DLG2: variants seen among roughly 807,000 people sequenced by gnomAD.
DLG2 encodes disks large homolog 2.
Under a neutral mutation model 132.5 loss-of-function variants are expected in DLG2, and 45 were observed. The observed-to-expected ratio is 0.34, with a 90% CI of 0.27 to 0.44. The LOEUF is 0.44. Among genes scored for constraint, DLG2 ranks in the 20% least tolerant of loss-of-function variants. The pLI is 1.00. For missense variants in DLG2, 1,045 were observed against 1,196.9 expected, an observed-to-expected ratio of 0.87 and a Z score of 1.87; for synonymous variants, 424 against 419.6, an observed-to-expected ratio of 1.01 and a Z score of -0.13.
intron 7 of DLG2, among the ~76,000 whole-genome samples, chr11:84,473,911 T>A (rs1045667259): frequency 7.2e-5 from 11 of 152,042 alleles, no homozygotes; most frequent in African/African-American, 2.4e-4. Flanking sequence ...AATCTTTATA[T>A]CTAGGTAAAA....
intron 10 of DLG2, among the ~76,000 whole-genome samples, chr11:84,096,492 T>C (rs17495791): frequency 0.013 from 1,954 of 152,292 alleles, 24 homozygotes; most frequent in Non-Finnish European, 0.022. Context: ...TCATTCTTAA[T>C]TGTAGAGCAA....
At chr11:84,040,464 T>G (rs2096037827) in intron 11 of DLG2, among the ~76,000 whole-genome samples, 1 of 150,910 alleles carries the variant, frequency 6.6e-6, no homozygotes, top group Non-Finnish European at 1.5e-5. Flanking sequence ...CCGGCACCAT[T>G]TATTAAATAG....
intron 9 of DLG2, among the ~76,000 whole-genome samples, chr11:84,113,427 C>T (rs73515726): frequency 0.023 from 3,563 of 152,180 alleles, 142 homozygotes; most frequent in African/African-American, 0.081. Context: ...TATTCAGTTT[C>T]GGGTATTTCA....
intron 21 of DLG2, among the ~76,000 whole-genome samples, chr11:83,518,944 C>T (rs556274111): frequency 6.6e-6 from 1 of 152,270 alleles, no homozygotes; most frequent in South Asian, 2.1e-4. Context: ...CTCCATACAG[C>T]TATCTGCTGA....
intron 18 of DLG2, among the ~76,000 whole-genome samples, chr11:83,712,313 G>A (rs910461470): frequency 1.3e-5 from 2 of 152,038 alleles, no homozygotes; most frequent in South Asian, 2.1e-4. Flanking sequence ...TATACACCAC[G>A]GAATACCATG....
At chr11:84,648,041 T>C (rs775741157) in intron 6 of DLG2, among the ~76,000 whole-genome samples, 7 of 152,136 alleles carry the variant, frequency 4.6e-5, no homozygotes, top group Non-Finnish European at 1.0e-4. Context: ...CCTAGAAACC[T>C]TAGGTAACTT....
chr11:83,680,588 A>G (rs963252718), intron 18 of DLG2, among the ~76,000 whole-genome samples: 6 of 152,310 alleles, frequency 3.9e-5, no homozygotes, highest in African/African-American at 1.2e-4. Flanking sequence ...TTAGAAACCA[A>G]GTCTCAGGTT....
At chr11:84,883,560 A>C (rs919070449) in intron 6 of DLG2, among the ~76,000 whole-genome samples, 1 of 152,132 alleles carries the variant, frequency 6.6e-6, no homozygotes, top group Non-Finnish European at 1.5e-5. Flanking sequence ...TCACATATCA[A>C]TCTCCATTCC....
At chr11:83,937,507 C>CAA (rs11313794) in intron 14 of DLG2, among the ~76,000 whole-genome samples, 13 of 73,774 alleles carry the variant, frequency 1.8e-4, no homozygotes, top group South Asian at 5.5e-4. Context: ...GACTCCATCT[C>CAA]AAAAAAAAAA....
chr11:83,599,160 C>A (rs899518870), intron 19 of DLG2, among the ~76,000 whole-genome samples: 1 of 152,164 alleles, frequency 6.6e-6, no homozygotes, highest in African/African-American at 2.4e-5. Context: ...GCTTAATAAA[C>A]AAAACAATTC....
chr11:85,025,439 GTTGTAA>G (rs2154141993), intron 6 of DLG2, among the ~76,000 whole-genome samples: 1 of 152,236 alleles, frequency 6.6e-6, no homozygotes, highest in East Asian at 1.9e-4. Flanking sequence ...GATGCTAATG[GTTGTAA>G]TTTAGACCAA....
intron 9 of DLG2, among the ~76,000 whole-genome samples, chr11:84,148,995 T>C (rs2095194922): frequency 6.6e-6 from 1 of 152,206 alleles, no homozygotes; most frequent in Non-Finnish European, 1.5e-5. Context: ...TTTCATATGT[T>C]TTTCGGCTAC....
intron 7 of DLG2, among the ~76,000 whole-genome samples, chr11:84,379,174 G>A (rs1214643295): frequency 1.3e-5 from 2 of 151,976 alleles, no homozygotes; most frequent in African/African-American, 4.8e-5. Context: ...TCAAGAAAGT[G>A]AATCATCATG....
chr11:83,938,121 G>A (rs11233817), intron 14 of DLG2, among the ~76,000 whole-genome samples: 21,465 of 152,162 alleles, frequency 0.14, 1,553 homozygotes, highest in Middle Eastern at 0.17. Flanking sequence ...TTCACATGAC[G>A]GTTTATTGTT....
At chr11:85,264,844 C>A (rs2077123558) in intron 4 of DLG2, among the ~76,000 whole-genome samples, 1 of 152,164 alleles carries the variant, frequency 6.6e-6, no homozygotes, top group Non-Finnish European at 1.5e-5. Context: ...TGACATTGAA[C>A]TTCTGTTCTA....
chr11:84,152,471 C>T (rs577287750), intron 9 of DLG2, among the ~76,000 whole-genome samples: 2 of 151,722 alleles, frequency 1.3e-5, no homozygotes, highest in East Asian at 1.9e-4. Context: ...ACTGCAAGCT[C>T]CACCTCCTGG....
chr11:83,994,042 C>T (rs927875235), intron 11 of DLG2, among the ~76,000 whole-genome samples: 3 of 152,114 alleles, frequency 2.0e-5, no homozygotes, highest in African/African-American at 7.2e-5. Context: ...AGTTCTTCCT[C>T]CTAGTCGCCA....
intron 4 of DLG2, among the ~76,000 whole-genome samples, chr11:85,177,962 G>GA (rs1379094504): frequency 1.3e-5 from 2 of 151,834 alleles, no homozygotes; most frequent in African/African-American, 4.8e-5. Context: ...TATATTTGGG[G>GA]AAAAAAATAA....
At chr11:84,515,834 G>A (rs567275726) in intron 7 of DLG2, among the ~76,000 whole-genome samples, 2 of 151,810 alleles carry the variant, frequency 1.3e-5, no homozygotes, top group Non-Finnish European at 3.0e-5. Flanking sequence ...TCATGTGTGA[G>A]GGTACAGAAC....
Sources: allele counts gnomAD v4.1 joint callset (sites outside exome capture counted in the v4.1 genomes callset), GRCh38; gene constraint gnomAD v4.1.1; transcripts MANE v1.5; gene names NCBI Gene and HGNC (gene_info 2026-07-23, HGNC 2026-07-21).